The following LRIF1 variants were observed in gnomAD, a reference collection of about 807,000 sequenced individuals.
LRIF1 encodes the protein ligand-dependent nuclear receptor-interacting factor 1.
Under a neutral mutation model 52.7 loss-of-function variants are expected in LRIF1, and 32 were observed. The observed-to-expected ratio is 0.61, with a 90% CI of 0.46 to 0.82. LRIF1 has a LOEUF of 0.82. Ranked by LOEUF, LRIF1 falls within the 40% of genes least tolerant of loss-of-function variation. The pLI is 0.00. For synonymous variants in LRIF1, 323 were observed against 317.4 expected (o/e 1.02, Z -0.19); for missense variants, 887 against 892.0 (o/e 0.99, Z 0.07).
In LRIF1 at chr1:110,948,137, T is replaced by C; in HGVS notation, c.2132A>G (p.Asn711Ser). 6.2e-7 allele frequency: 1 copy of C among 1,614,136 alleles called. No homozygotes were observed. The highest frequency in any genetic ancestry group is 8.5e-7 in the Non-Finnish European group (1 of 1,180,010). Reference protein sequence around the residue: ...EKQEKGTLNSNAAYEQSHFFN... With the variant: ...EKQEKGTLNSSAAYEQSHFFN... ...GAAATGACTTTGTTCATAAGCTGCA[T>C]TTGAATTCAAAGTGCCTTTCTCTTG... is the stretch of plus-strand genomic sequence containing the variant. The change falls in exon 4 of 4, where the codon AAT (asparagine) becomes AGT (serine). Residue 711 changes from asparagine (N) to serine (S), a missense_variant. Transcript: ENST00000369763.
chr1:110,949,038 T>TA (rs914337797), intron 3 of LRIF1, among the ~76,000 whole-genome samples: 2 of 151,964 alleles, frequency 1.3e-5, no homozygotes, highest in South Asian at 2.1e-4. Flanking sequence ...AGTAGGTGAA[T>TA]AAAAAAAATT....
chr1:110,905,397 GA>G, the LRIF1 span, among the ~76,000 whole-genome samples: 1 of 151,498 alleles, frequency 6.6e-6, no homozygotes, highest in Admixed American at 6.6e-5. Flanking sequence ...CAAGAGAAAA[GA>G]AACAAATAAC....
the LRIF1 span, among the ~76,000 whole-genome samples, chr1:110,875,004 C>T: frequency 1.3e-5 from 2 of 152,172 alleles, no homozygotes; most frequent in African/African-American, 4.8e-5. Context: ...CAGCAATATA[C>T]AAATACAGTG....
At chr1:110,897,120 G>A in the LRIF1 span, among the ~76,000 whole-genome samples, 1 of 152,186 alleles carries the variant, frequency 6.6e-6, no homozygotes, top group African/African-American at 2.4e-5. Context: ...TTCTTCCTTG[G>A]AGATGGCAGA....
chr1:110,912,990 T>A, the LRIF1 span, among the ~76,000 whole-genome samples: 1 of 152,108 alleles, frequency 6.6e-6, no homozygotes, highest in East Asian at 1.9e-4. Context: ...ACACACAGAC[T>A]AATGGAACAG....
At chr1:110,913,366 C>T in the LRIF1 span, among the ~76,000 whole-genome samples, 21 of 152,186 alleles carry the variant, frequency 1.4e-4, no homozygotes, top group East Asian at 2.9e-3. Flanking sequence ...GCAAGAGAAA[C>T]GATCAATCTA....
At chr1:110,952,995 T>C (rs1183038019) in intron 1 of LRIF1, 180 bp from the exon 2 acceptor site, 4 of 273,728 alleles carry the variant, frequency 1.5e-5, no homozygotes, top group Non-Finnish European at 2.0e-5. Flanking sequence ...AATGATATAG[T>C]CAACTGCTTA....
rs1488909702 is a variant in LRIF1 at position 110,947,809 on chromosome 1, T to C, written c.*150A>G. 9.1e-7 allele frequency: 1 copy of C among 1,093,596 alleles called. No individual in the cohort carries two copies. The highest frequency in any genetic ancestry group is 1.6e-5 in the African/African-American group (1 of 63,138). 67.7% of individuals were successfully genotyped at this position (1,093,596 alleles called of 1,614,324 possible). On this transcript the variant is annotated 3_prime_UTR_variant, in exon 4 of 4. Coordinates refer to ENST00000369763, the MANE Select transcript of LRIF1 (RefSeq NM_018372.4). ...TTCACAAGTCATATGTGAATCAACCTTTTCTGTATTCCTTAAAGTTGTACA... is the reference window on the plus strand; with the variant it reads ...TTCACAAGTCATATGTGAATCAACCCTTTCTGTATTCCTTAAAGTTGTACA...
chr1:110,902,022 C>T, the LRIF1 span, among the ~76,000 whole-genome samples: 1 of 152,152 alleles, frequency 6.6e-6, no homozygotes, highest in South Asian at 2.1e-4. Flanking sequence ...CACCAAGTAT[C>T]ACCAAATTCA....
chr1:110,909,079 T>C, the LRIF1 span, among the ~76,000 whole-genome samples: 4 of 152,092 alleles, frequency 2.6e-5, no homozygotes, highest in South Asian at 8.3e-4. Flanking sequence ...TTAAGCATCA[T>C]TAAAGAAAAA....
chr1:110,899,869 G>T, the LRIF1 span: 4 of 152,270 alleles, frequency 2.6e-5, no homozygotes, highest in South Asian at 6.3e-4. Context: ...TATCAGATAA[G>T]ATTTTGTTAA....
At chr1:110,888,751 C>T in the LRIF1 span, among the ~76,000 whole-genome samples, 598 of 151,886 alleles carry the variant, frequency 3.9e-3, 1 homozygote, top group African/African-American at 0.014. Flanking sequence ...TGATATAATC[C>T]TTTTTGTACT....
the LRIF1 span, among the ~76,000 whole-genome samples, chr1:110,903,098 C>T: frequency 2.0e-5 from 3 of 152,192 alleles, no homozygotes; most frequent in Non-Finnish European, 2.9e-5. Flanking sequence ...AGAGGGAAAT[C>T]GCCAATTCCA....
the LRIF1 span, chr1:110,895,139 A>G: frequency 1.0e-6 from 1 of 997,670 alleles, no homozygotes; most frequent in Non-Finnish European, 1.6e-6. Flanking sequence ...CTTTTTCTGG[A>G]AGTTTCAGAA....
chr1:110,907,469 G>A, the LRIF1 span, among the ~76,000 whole-genome samples: 417 of 152,200 alleles, frequency 2.7e-3, 5 homozygotes, highest in African/African-American at 9.4e-3. Flanking sequence ...TAAGATTTGA[G>A]CCAGGCGCGG....
chr1:110,963,533 T>A, intron 1 of LRIF1, 88 bp downstream of exon 1: 1 of 1,162,332 alleles, frequency 8.6e-7, no homozygotes, highest in South Asian at 1.4e-5. Flanking sequence ...TCCTCTCAAC[T>A]ACACAGCGTC....
chr1:110,901,043 C>T, the LRIF1 span, among the ~76,000 whole-genome samples: 4 of 152,152 alleles, frequency 2.6e-5, no homozygotes, highest in Admixed American at 1.3e-4. Flanking sequence ...ATCATCTCCC[C>T]TCTCCTTTTA....
chr1:110,917,222 G>T, the LRIF1 span, among the ~76,000 whole-genome samples: 1 of 152,154 alleles, frequency 6.6e-6, no homozygotes, highest in Non-Finnish European at 1.5e-5. Context: ...ACTGACAGGG[G>T]CTCGTGTGTC....
At chr1:110,878,787 C>T in the LRIF1 span, among the ~76,000 whole-genome samples, 1 of 152,068 alleles carries the variant, frequency 6.6e-6, no homozygotes, top group South Asian at 2.1e-4. Context: ...CTGGGATTTT[C>T]CAACATGTCT....
Sources: allele counts gnomAD v4.1 joint callset (sites outside exome capture counted in the v4.1 genomes callset), GRCh38; gene constraint gnomAD v4.1.1; transcripts MANE v1.5; gene names NCBI Gene and HGNC (gene_info 2026-07-23, HGNC 2026-07-21).